AGBL4: variants seen among roughly 807,000 people sequenced by gnomAD.
The protein encoded by AGBL4 is AGBL carboxypeptidase 4, also known as cytosolic carboxypeptidase 6.
AGBL4 carries 58 observed loss-of-function variants against 66.4 expected under a neutral mutation model. That is an observed-to-expected ratio of 0.87 (90% CI 0.71 to 1.09). AGBL4 has a LOEUF of 1.09. Among genes scored for constraint, AGBL4 ranks in the 50% least tolerant of loss-of-function variants. The pLI is 0.00. For synonymous variants in AGBL4, 234 were observed against 222.9 expected (o/e 1.05, Z -0.44); for missense variants, 579 against 631.0 (o/e 0.92, Z 0.88).
At chr1:49,585,499 C>A (rs1315583485) in intron 3 of AGBL4, among the ~76,000 whole-genome samples, 1 of 152,078 alleles carries the variant, frequency 6.6e-6, no homozygotes, top group East Asian at 1.9e-4. Context: ...CACCAAGAAG[C>A]CAGTGCCCTC....
intron 3 of AGBL4, among the ~76,000 whole-genome samples, chr1:49,615,506 G>A (rs549600698): frequency 6.6e-6 from 1 of 152,074 alleles, no homozygotes; most frequent in Non-Finnish European, 1.5e-5. Context: ...GAAATATGAA[G>A]AGATGAGACA....
chr1:49,948,568 T>TATAAAAAAAA (rs1655761549), intron 1 of AGBL4, among the ~76,000 whole-genome samples: 2 of 70,472 alleles, frequency 2.8e-5, no homozygotes, highest in African/African-American at 9.6e-5. Context: ...TATAAAAATA[T>TATAAAAAAAA]ATATATATAT....
intron 3 of AGBL4, among the ~76,000 whole-genome samples, chr1:49,555,107 C>T (rs1365705707): frequency 6.6e-6 from 1 of 152,186 alleles, no homozygotes; most frequent in African/African-American, 2.4e-5. Flanking sequence ...CTTATCTGAC[C>T]CCACTCACAT....
At chr1:49,308,426 G>T (rs1287499487) in intron 3 of AGBL4, among the ~76,000 whole-genome samples, 1 of 151,960 alleles carries the variant, frequency 6.6e-6, no homozygotes, top group Non-Finnish European at 1.5e-5. Context: ...AGAGAGTTCT[G>T]GGAAGAGGCA....
chr1:48,686,448 T>C (rs1353945501), intron 6 of AGBL4, among the ~76,000 whole-genome samples: 1 of 152,188 alleles, frequency 6.6e-6, no homozygotes, highest in Non-Finnish European at 1.5e-5. Flanking sequence ...AGATTAGGAC[T>C]CCCACCTCTG....
At chr1:49,175,808 C>A (rs192650132) in intron 4 of AGBL4, among the ~76,000 whole-genome samples, 7 of 152,208 alleles carry the variant, frequency 4.6e-5, no homozygotes, top group Admixed American at 1.3e-4. Flanking sequence ...AAAGACAGAC[C>A]TTTACTTTTG....
intron 2 of AGBL4, among the ~76,000 whole-genome samples, chr1:49,736,429 A>G (rs1312794528): frequency 6.6e-6 from 1 of 152,076 alleles, no homozygotes; most frequent in Non-Finnish European, 1.5e-5. Flanking sequence ...AATCAATAAC[A>G]AAAGAAATTT....
chr1:48,599,482 T>A (rs1274800559), intron 9 of AGBL4, among the ~76,000 whole-genome samples: 2 of 152,210 alleles, frequency 1.3e-5, no homozygotes, highest in African/African-American at 4.8e-5. Flanking sequence ...AAGTTCATCA[T>A]AATCTTATGG....
intron 1 of AGBL4, among the ~76,000 whole-genome samples, chr1:49,872,819 T>C (rs1313264022): frequency 2.6e-5 from 4 of 152,078 alleles, no homozygotes; most frequent in Non-Finnish European, 4.4e-5. Flanking sequence ...AATTGGAGAA[T>C]TGGAAAGAAA....
intron 3 of AGBL4, among the ~76,000 whole-genome samples, chr1:49,605,493 A>G (rs1645047266): frequency 6.6e-6 from 1 of 152,198 alleles, no homozygotes; most frequent in Non-Finnish European, 1.5e-5. Flanking sequence ...TAAGGAAAAC[A>G]TTAGATCAAT....
intron 2 of AGBL4, among the ~76,000 whole-genome samples, chr1:49,833,354 T>C (rs1170120890): frequency 6.6e-6 from 1 of 151,808 alleles, no homozygotes; most frequent in Non-Finnish European, 1.5e-5. Flanking sequence ...TTGATCTATA[T>C]CTCTGTTTTG....
chr1:49,228,334 T>G (rs1294009103), intron 4 of AGBL4, among the ~76,000 whole-genome samples: 2 of 152,154 alleles, frequency 1.3e-5, no homozygotes, highest in Non-Finnish European at 2.9e-5. Flanking sequence ...AAACAACAAA[T>G]TTTCAAAGTA....
intron 1 of AGBL4, among the ~76,000 whole-genome samples, chr1:49,854,074 G>GA (rs1051094550): frequency 2.0e-5 from 3 of 151,894 alleles, no homozygotes; most frequent in Non-Finnish European, 4.4e-5. Context: ...AATCACTATA[G>GA]AAAAAATAGC....
At chr1:49,948,592 G>T (rs1242259032) in intron 1 of AGBL4, among the ~76,000 whole-genome samples, 2 of 140,458 alleles carry the variant, frequency 1.4e-5, no homozygotes, top group African/African-American at 5.3e-5. Flanking sequence ...TAGAGAGAGA[G>T]AGAGAGAGAG....
chr1:49,271,464 TTG>T (rs1644056118), intron 3 of AGBL4, among the ~76,000 whole-genome samples: 1 of 151,470 alleles, frequency 6.6e-6, no homozygotes. Flanking sequence ...TTTCAAAGCG[TTG>T]TGTTTTCTCT....
chr1:49,692,193 T>A (rs909708344), intron 3 of AGBL4, among the ~76,000 whole-genome samples: 3 of 152,154 alleles, frequency 2.0e-5, no homozygotes, highest in African/African-American at 7.2e-5. Context: ...CCCTATGAAT[T>A]AGTATTATTA....
Position 48,736,132 on chromosome 1 carries a change from G to A in AGBL4, c.635-72891C>T. On this transcript the variant is annotated intron_variant, in intron 6 of 13. Coordinates refer to ENST00000371839, the MANE Select transcript of AGBL4 (RefSeq NM_032785.4). The surrounding 1 kb of genome is among the most constrained non-coding windows in gnomAD (Gnocchi z 4.0). ...GTCCCCGGGCTCAGCCCAGGGTCTG[G>A]CATGCAGAAGCTTCATAAGTAATCG... The A allele has an allele frequency of 7.7e-7, 1 of 1,293,780 alleles. No individual in the cohort carries two copies. Among genetic ancestry groups the A allele is most frequent in the Non-Finnish European group, 1.1e-6 (1 of 906,076 alleles). The allele number at this position is 1,293,780 out of a possible 1,614,324, so 80.1% of individuals were successfully genotyped here.
chr1:48,937,540 C>T (rs2148910832), intron 5 of AGBL4, among the ~76,000 whole-genome samples: 1 of 152,304 alleles, frequency 6.6e-6, no homozygotes. Context: ...CCATGACATT[C>T]ACTAACTGCT....
chr1:48,529,495 A>G (rs1293375670), downstream of AGBL4, among the ~76,000 whole-genome samples: 1 of 152,200 alleles, frequency 6.6e-6, no homozygotes, highest in Non-Finnish European at 1.5e-5. Flanking sequence ...GCCCAAAGCC[A>G]TACAGCTTAA....
Sources: allele counts gnomAD v4.1 joint callset (sites outside exome capture counted in the v4.1 genomes callset), GRCh38; gene constraint gnomAD v4.1.1; non-coding constraint Gnocchi (gnomAD v3.1); transcripts MANE v1.5; gene names NCBI Gene and HGNC (gene_info 2026-07-23, HGNC 2026-07-21).